The following DLGAP2 variants were observed in gnomAD, a reference collection of about 807,000 sequenced individuals.
DLGAP2 encodes the protein disks large-associated protein 2.
In DLGAP2, 26 loss-of-function variants were observed where a neutral mutation model predicts 100.3. The ratio of observed to expected loss-of-function variants is 0.26; its 90% CI spans 0.19 to 0.36. The LOEUF is 0.36. DLGAP2 is among the 10% of genes least tolerant of loss of function. DLGAP2 has a pLI of 1.00. For missense variants in DLGAP2, 1,858 were observed against 1,453.2 expected (o/e 1.28, Z -4.53); for synonymous variants, 886 against 630.1 (o/e 1.41, Z -6.08).
At chr8:1,350,636 T>C (rs865986721) in intron 3 of DLGAP2, among the ~76,000 whole-genome samples, 34 of 63,226 alleles carry the variant, frequency 5.4e-4, no homozygotes, top group African/African-American at 1.4e-3. Context: ...GGAAAGGCCG[T>C]GCGGGTCCTG....
At chr8:1,669,935 G>A (rs1160074486) in intron 10 of DLGAP2, among the ~76,000 whole-genome samples, 151 bp downstream of exon 10, 1 of 152,176 alleles carries the variant, frequency 6.6e-6, no homozygotes, top group African/African-American at 2.4e-5. Flanking sequence ...CCCCTTAGAT[G>A]AGGACAAGGG....
chr8:964,105 A>G (rs1028774140), intron 2 of DLGAP2, among the ~76,000 whole-genome samples: 1 of 152,242 alleles, frequency 6.6e-6, no homozygotes, highest in Non-Finnish European at 1.5e-5. Context: ...AGTCTTATGT[A>G]AAATAAAATG....
intron 3 of DLGAP2, among the ~76,000 whole-genome samples, chr8:1,292,882 C>T (rs948853156): frequency 4.6e-5 from 7 of 152,144 alleles, no homozygotes; most frequent in Non-Finnish European, 5.9e-5. Flanking sequence ...CAACAGTGCC[C>T]ACCCCGTGCG....
At chr8:803,054 A>AG (rs1796202429) in intron 1 of DLGAP2, among the ~76,000 whole-genome samples, 2 of 152,236 alleles carry the variant, frequency 1.3e-5, no homozygotes, top group African/African-American at 4.8e-5. Context: ...AAGGAGACCC[A>AG]GGTAACAGCT....
At chr8:1,132,686 C>T (rs34323976) in intron 2 of DLGAP2, among the ~76,000 whole-genome samples, 14,610 of 152,204 alleles carry the variant, frequency 0.096, 959 homozygotes, top group Non-Finnish European at 0.15. Flanking sequence ...AGGCAGCTGC[C>T]GCTCTAATCC....
intron 3 of DLGAP2, among the ~76,000 whole-genome samples, chr8:1,317,719 A>G (rs1800794342): frequency 9.3e-6 from 1 of 107,060 alleles, no homozygotes; most frequent in African/African-American, 4.3e-5. Flanking sequence ...GAAACTCGGC[A>G]GCTTTTAAAA....
At chr8:1,213,314 TAA>T (rs1384839885) in intron 2 of DLGAP2, among the ~76,000 whole-genome samples, 1 of 152,212 alleles carries the variant, frequency 6.6e-6, no homozygotes, top group Non-Finnish European at 1.5e-5. Flanking sequence ...TTGATTTTAC[TAA>T]AAGTTTTGAT....
intron 3 of DLGAP2, among the ~76,000 whole-genome samples, chr8:1,276,360 C>T (rs1400920928): frequency 2.6e-5 from 4 of 151,902 alleles, no homozygotes; most frequent in African/African-American, 9.7e-5. Flanking sequence ...AATGTAGATT[C>T]GCGTCGGGCA....
chr8:1,471,568 C>T (rs1475402908), intron 3 of DLGAP2, among the ~76,000 whole-genome samples: 2 of 150,716 alleles, frequency 1.3e-5, no homozygotes, highest in Non-Finnish European at 3.0e-5. Context: ...GCGACGCCCT[C>T]CCCTCCCCAG....
chr8:860,014 G>T (rs1402731585), intron 1 of DLGAP2, among the ~76,000 whole-genome samples: 1 of 152,162 alleles, frequency 6.6e-6, no homozygotes, highest in East Asian at 1.9e-4. Context: ...GTAGATTAAA[G>T]TTACTGCTAA....
intron 2 of DLGAP2, among the ~76,000 whole-genome samples, chr8:1,091,079 A>G (rs1804164583): frequency 6.6e-6 from 1 of 152,180 alleles, no homozygotes; most frequent in Non-Finnish European, 1.5e-5. Context: ...GTCTGCGCAC[A>G]GGGCTCCGGG....
intron 2 of DLGAP2, among the ~76,000 whole-genome samples, chr8:914,641 G>T (rs1798553933): frequency 1.3e-5 from 2 of 152,222 alleles, no homozygotes; most frequent in African/African-American, 2.4e-5. Context: ...GGATTGCACG[G>T]TTATAGATGG....
chr8:1,086,378 G>A (rs1803974926), intron 2 of DLGAP2, among the ~76,000 whole-genome samples: 1 of 152,192 alleles, frequency 6.6e-6, no homozygotes, highest in African/African-American at 2.4e-5. Flanking sequence ...TACATTGAGA[G>A]TATGATGTTT....
At chr8:1,308,007 A>G (rs1405138461) in intron 3 of DLGAP2, among the ~76,000 whole-genome samples, 1 of 152,140 alleles carries the variant, frequency 6.6e-6, no homozygotes, top group Non-Finnish European at 1.5e-5. Flanking sequence ...TAAGATGAGT[A>G]TTTTACCACC....
At chr8:1,415,156 G>C (rs925098773) in intron 3 of DLGAP2, among the ~76,000 whole-genome samples, 1 of 152,186 alleles carries the variant, frequency 6.6e-6, no homozygotes, top group East Asian at 1.9e-4. Context: ...GTACAAACAG[G>C]CAACTCTATT....
intron 3 of DLGAP2, among the ~76,000 whole-genome samples, chr8:1,497,848 C>A (rs1312121556): frequency 6.6e-6 from 1 of 152,110 alleles, no homozygotes. Context: ...TTCCTGTTGT[C>A]GACAAAAAGA....
intron 2 of DLGAP2, among the ~76,000 whole-genome samples, chr8:915,563 A>G (rs1255240616): frequency 6.7e-6 from 1 of 148,230 alleles, no homozygotes; most frequent in Non-Finnish European, 1.5e-5. Flanking sequence ...AAAAAAAGAA[A>G]CCCATCGCTG....
intron 2 of DLGAP2, among the ~76,000 whole-genome samples, chr8:1,175,829 C>T (rs562906334): frequency 3.9e-5 from 6 of 152,208 alleles, no homozygotes; most frequent in African/African-American, 1.4e-4. Context: ...GAGGAAGGCA[C>T]TCGGCATTGG....
At chr8:1,671,695 C>G (rs1278336563) in intron 10 of DLGAP2, among the ~76,000 whole-genome samples, 1 of 152,260 alleles carries the variant, frequency 6.6e-6, no homozygotes, top group African/African-American at 2.4e-5. Context: ...CTATGGCCCC[C>G]GTCCTCCTTC....
Sources: allele counts gnomAD v4.1 joint callset (sites outside exome capture counted in the v4.1 genomes callset), GRCh38; gene constraint gnomAD v4.1.1; transcripts MANE v1.5; gene names NCBI Gene and HGNC (gene_info 2026-07-23, HGNC 2026-07-21).